The following LRRC4C variants were observed in gnomAD, a reference collection of about 807,000 sequenced individuals.
LRRC4C encodes leucine-rich repeat-containing protein 4C.
Under a neutral mutation model 33.6 loss-of-function variants are expected in LRRC4C, and 5 were observed. That is an observed-to-expected ratio of 0.15 (90% CI 0.08 to 0.31). The LOEUF (loss-of-function observed/expected upper bound fraction) is 0.31. Ranked by LOEUF, LRRC4C falls within the 10% of genes least tolerant of loss-of-function variation. The pLI is 1.00. For missense variants in LRRC4C, 560 were observed against 796.7 expected (o/e 0.70, Z 3.58); for synonymous variants, 329 against 302.0 (o/e 1.09, Z -0.93).
intron 2 of LRRC4C, among the ~76,000 whole-genome samples, chr11:40,894,868 C>G (rs1466041397): frequency 6.6e-6 from 1 of 152,136 alleles, no homozygotes; most frequent in Non-Finnish European, 1.5e-5. Flanking sequence ...ACTTCTGGTA[C>G]ATATTATACT....
intron 1 of LRRC4C, among the ~76,000 whole-genome samples, chr11:41,258,586 T>A (rs1948876946): frequency 6.6e-6 from 1 of 151,972 alleles, no homozygotes; most frequent in Admixed American, 6.6e-5. Flanking sequence ...ATGTGTAACA[T>A]CTAACTTGCT....
chr11:41,288,774 G>T (rs1185264128), intron 1 of LRRC4C, among the ~76,000 whole-genome samples: 1 of 152,072 alleles, frequency 6.6e-6, no homozygotes, highest in Non-Finnish European at 1.5e-5. Flanking sequence ...TTGAGGCTTA[G>T]GATCTTCCTC....
chr11:40,247,987 C>T (rs1866482276), intron 4 of LRRC4C, among the ~76,000 whole-genome samples: 1 of 152,124 alleles, frequency 6.6e-6, no homozygotes, highest in Admixed American at 6.6e-5. Context: ...AGAAAAATTC[C>T]CATATAGAGT....
chr11:40,288,802 G>A (rs1361610572), intron 4 of LRRC4C, among the ~76,000 whole-genome samples: 2 of 152,078 alleles, frequency 1.3e-5, no homozygotes, highest in Non-Finnish European at 2.9e-5. Context: ...ATTAGTAATG[G>A]AATTTTATAC....
intron 4 of LRRC4C, among the ~76,000 whole-genome samples, chr11:40,295,970 A>G (rs1247093615): frequency 6.6e-6 from 1 of 152,224 alleles, no homozygotes; most frequent in Non-Finnish European, 1.5e-5. Context: ...AAAGGAGTCT[A>G]TCCTCTGATT....
intron 1 of LRRC4C, among the ~76,000 whole-genome samples, chr11:41,351,424 G>A (rs1951980303): frequency 6.6e-6 from 1 of 152,064 alleles, no homozygotes; most frequent in African/African-American, 2.4e-5. Context: ...CATATTGAAG[G>A]ATATTGTATC....
intron 3 of LRRC4C, among the ~76,000 whole-genome samples, chr11:40,532,175 C>T (rs1256563775): frequency 1.3e-5 from 2 of 150,990 alleles, no homozygotes; most frequent in African/African-American, 2.4e-5. Flanking sequence ...AGCTAGTAAC[C>T]TCAACCAAGC....
At chr11:40,348,513 C>T (rs2137063662) in intron 3 of LRRC4C, among the ~76,000 whole-genome samples, 1 of 152,200 alleles carries the variant, frequency 6.6e-6, no homozygotes, top group Non-Finnish European at 1.5e-5. Context: ...AATGAAATGC[C>T]TACATTACTC....
intron 2 of LRRC4C, among the ~76,000 whole-genome samples, chr11:40,850,526 C>T (rs564357018): frequency 1.1e-4 from 16 of 152,134 alleles, no homozygotes; most frequent in Non-Finnish European, 2.2e-4. Flanking sequence ...CCCAGAGGGG[C>T]ACCCACCAGA....
At chr11:41,281,078 C>CTCT (rs1491428513) in intron 1 of LRRC4C, among the ~76,000 whole-genome samples, 21 of 83,102 alleles carry the variant, frequency 2.5e-4, no homozygotes, top group East Asian at 2.3e-3. Context: ...CTCTCTCTGT[C>CTCT]CTCTCTCTCT....
In LRRC4C at chr11:40,114,392, T is replaced by TTGTC; in HGVS notation, c.1897_1900dup (p.Asn634ArgfsTer61). 1 of 1,613,056 alleles carries TTGTC rather than the reference T, an allele frequency of 6.2e-7. No homozygotes were observed. Among genetic ancestry groups the TTGTC allele is most frequent in the Non-Finnish European group, 8.5e-7 (1 of 1,179,266 alleles). ...GTTTTAGATTTGAGTCTCTTGTACA[T>TTGTC]TGTCTTTAGAGTTCATTCGGATCAA... On this transcript the variant is annotated frameshift_variant, in exon 7 of 7. Transcript: ENST00000528697. LOFTEE classifies it high-confidence loss of function.
chr11:40,377,356 G>A (rs1041056019), intron 3 of LRRC4C, among the ~76,000 whole-genome samples: 5 of 152,088 alleles, frequency 3.3e-5, no homozygotes, highest in African/African-American at 4.8e-5. Context: ...TCCTTATGAA[G>A]AAAATGATTA....
rs556129622 is a variant in LRRC4C at position 41,239,938 on chromosome 11, T to G, written c.-496+219493A>C. Among the ~76,000 whole-genome samples, 4 of 152,348 alleles carry G rather than the reference T, an allele frequency of 2.6e-5. No homozygotes were observed. The East Asian group carries it at 7.7e-4, about 29-fold the overall frequency. ...TACAGTTCTAGTTGCTGGAATCCTCTTGATGATTTTTGAAACCTTAGAGCC... is the reference window on the plus strand; with the variant it reads ...TACAGTTCTAGTTGCTGGAATCCTCGTGATGATTTTTGAAACCTTAGAGCC... On this transcript the variant is annotated intron_variant, in intron 1 of 6. Transcript: ENST00000528697.
At chr11:40,623,926 T>C (rs1229283130) in intron 3 of LRRC4C, among the ~76,000 whole-genome samples, 1 of 152,132 alleles carries the variant, frequency 6.6e-6, no homozygotes, top group African/African-American at 2.4e-5. Flanking sequence ...TGCTTCAAAA[T>C]AGTAAATAAT....
chr11:40,869,800 T>C (rs1025391051), intron 2 of LRRC4C, among the ~76,000 whole-genome samples: 5 of 152,174 alleles, frequency 3.3e-5, no homozygotes, highest in Admixed American at 6.5e-5. Context: ...CACACTTGTC[T>C]TTCAAGTTGC....
intron 2 of LRRC4C, among the ~76,000 whole-genome samples, chr11:40,886,488 C>T (rs1349187900): frequency 6.6e-6 from 1 of 151,084 alleles, no homozygotes; most frequent in African/African-American, 2.4e-5. Flanking sequence ...CCAATAGAAA[C>T]CCTTTTGTCC....
intron 3 of LRRC4C, among the ~76,000 whole-genome samples, chr11:40,503,469 G>A (rs1418648749): frequency 6.6e-6 from 1 of 152,160 alleles, no homozygotes; most frequent in Non-Finnish European, 1.5e-5. Flanking sequence ...TGCTGAAAAT[G>A]CTAAGCTGGT....
intron 3 of LRRC4C, among the ~76,000 whole-genome samples, chr11:40,376,890 T>C (rs540009279): frequency 1.3e-5 from 2 of 152,242 alleles, no homozygotes; most frequent in Admixed American, 6.6e-5. Context: ...GAACAGAACA[T>C]ATACATACAA....
chr11:40,385,915 A>C (rs1333420339), intron 3 of LRRC4C, among the ~76,000 whole-genome samples: 1 of 149,588 alleles, frequency 6.7e-6, no homozygotes, highest in Non-Finnish European at 1.5e-5. Context: ...ATAAAAAAAT[A>C]AAAAAGAAAA....
Sources: gnomAD v4.1 joint callset for allele counts (sites outside exome capture counted in the v4.1 genomes callset) on GRCh38, gnomAD v4.1.1 for gene constraint, MANE v1.5 for transcripts, NCBI Gene and HGNC (gene_info 2026-07-23, HGNC 2026-07-21) for gene names.